Variants in FBXL4 observed in about 807,000 individuals in gnomAD.
FBXL4 encodes the protein F-box/LRR-repeat protein 4.
In FBXL4, 40 loss-of-function variants were observed where a neutral mutation model predicts 58.9. The ratio of observed to expected loss-of-function variants is 0.68; its 90% CI spans 0.53 to 0.88. FBXL4 has a LOEUF of 0.88. Ranked by LOEUF, FBXL4 falls within the 40% of genes least tolerant of loss-of-function variation. The pLI is 0.00. For missense variants in FBXL4, 676 were observed against 734.4 expected, an observed-to-expected ratio of 0.92 and a Z score of 0.92; for synonymous variants, 263 against 265.5, an observed-to-expected ratio of 0.99 and a Z score of 0.09.
intron 7 of FBXL4, among the ~76,000 whole-genome samples, chr6:98,883,897 A>C (rs2128380894): frequency 6.6e-6 from 1 of 151,688 alleles, no homozygotes. Flanking sequence ...TGAACTTTAG[A>C]ATCACCTTAA....
intron 8 of FBXL4, among the ~76,000 whole-genome samples, chr6:98,877,214 G>A (rs756615969): frequency 3.3e-5 from 5 of 152,082 alleles, no homozygotes; most frequent in South Asian, 2.1e-4. Flanking sequence ...GGAATCATGC[G>A]GAAGTCTATG....
chr6:98,916,430 A>G (rs1380759165), intron 5 of FBXL4, among the ~76,000 whole-genome samples: 2 of 152,088 alleles, frequency 1.3e-5, no homozygotes, highest in Non-Finnish European at 2.9e-5. Flanking sequence ...ATGTCCAACA[A>G]TGATAGACTG....
chr6:98,895,289 C>G (rs570905374), intron 7 of FBXL4, among the ~76,000 whole-genome samples: 1 of 152,098 alleles, frequency 6.6e-6, no homozygotes, highest in African/African-American at 2.4e-5. Context: ...ACTAAGACTT[C>G]AAACTAAGCT....
chr6:98,941,961 A>G (rs1773448510), intron 1 of FBXL4, among the ~76,000 whole-genome samples: 1 of 152,228 alleles, frequency 6.6e-6, no homozygotes, highest in South Asian at 2.1e-4. Flanking sequence ...GTGGTGACTG[A>G]AATAAATTGA....
chr6:98,910,798 T>C (rs1056803892), intron 5 of FBXL4, among the ~76,000 whole-genome samples: 1 of 152,146 alleles, frequency 6.6e-6, no homozygotes, highest in African/African-American at 2.4e-5. Flanking sequence ...ACCGGGTTCA[T>C]CTCACCAGGG....
At chr6:98,910,469 C>T (rs1226764541) in intron 5 of FBXL4, among the ~76,000 whole-genome samples, 2 of 151,990 alleles carry the variant, frequency 1.3e-5, no homozygotes, top group Non-Finnish European at 2.9e-5. Flanking sequence ...CTGGCTAACA[C>T]AGTGAAACCC....
intron 6 of FBXL4, 26 bp from the exon 7 acceptor site, chr6:98,899,507 T>C (rs1225934973): frequency 6.3e-7 from 1 of 1,598,084 alleles, no homozygotes; most frequent in South Asian, 1.1e-5. Flanking sequence ...TCTATGTGAA[T>C]TTTATAAAAC....
intron 4 of FBXL4, among the ~76,000 whole-genome samples, chr6:98,922,201 C>T (rs1772611409): frequency 6.6e-6 from 1 of 152,204 alleles, no homozygotes; most frequent in Non-Finnish European, 1.5e-5. Context: ...GCTGGGATTA[C>T]AGGCGTGAGC....
In FBXL4 at chr6:98,917,587, T is replaced by C. The variant is rs752917494; in HGVS notation, c.645A>G (p.Glu215=). ...CAACTGCATCTAATTCAGTGTAATATTCCAGAAGAGAACTATTTACTTCCA... is the reference window on the plus strand; with the variant it reads ...CAACTGCATCTAATTCAGTGTAATACTCCAGAAGAGAACTATTTACTTCCA... ...IRLEVNSSLL[E]YYTELDAVVL... Residue 215 remains glutamate (E), a synonymous_variant, in exon 5 of 10, where the codon GAA becomes GAG. Transcript: ENST00000369244. 6.2e-7 allele frequency: 1 copy of C among 1,614,022 alleles called. No homozygotes were observed. The highest frequency in any genetic ancestry group is 1.1e-5 in the South Asian group (1 of 91,068).
chr6:98,910,344 G>A (rs1383934510), intron 5 of FBXL4, among the ~76,000 whole-genome samples: 1 of 152,096 alleles, frequency 6.6e-6, no homozygotes, highest in East Asian at 1.9e-4. Flanking sequence ...CTTCAGACTA[G>A]ACAAACAAAA....
intron 4 of FBXL4, among the ~76,000 whole-genome samples, chr6:98,924,275 TG>T (rs1235410610): frequency 2.6e-5 from 4 of 152,146 alleles, no homozygotes; most frequent in Non-Finnish European, 5.9e-5. Flanking sequence ...GAAAAGATCC[TG>T]CCATGCACAG....
At chr6:98,915,052 T>G (rs377082567) in intron 5 of FBXL4, among the ~76,000 whole-genome samples, 22 of 152,186 alleles carry the variant, frequency 1.4e-4, no homozygotes, top group South Asian at 2.1e-4. Flanking sequence ...CAAATCATGA[T>G]TGAACTCCCA....
intron 1 of FBXL4, among the ~76,000 whole-genome samples, chr6:98,942,729 T>C (rs986998309): frequency 1.3e-5 from 2 of 152,108 alleles, no homozygotes; most frequent in African/African-American, 4.8e-5. Flanking sequence ...TATTTCTTTA[T>C]AGCAATGTGG....
intron 6 of FBXL4, 50 bp downstream of exon 6, chr6:98,905,376 A>G (rs1471044275): frequency 1.2e-6 from 2 of 1,601,186 alleles, no homozygotes; most frequent in Non-Finnish European, 1.7e-6. Flanking sequence ...CATAATAAGT[A>G]TAACCTGCTG....
At chr6:98,902,638 C>T (rs1327924302) in intron 6 of FBXL4, among the ~76,000 whole-genome samples, 3 of 151,146 alleles carry the variant, frequency 2.0e-5, no homozygotes, top group African/African-American at 7.3e-5. Flanking sequence ...AGAGTAAAAA[C>T]CTACACATAA....
intron 7 of FBXL4, among the ~76,000 whole-genome samples, chr6:98,883,872 C>T (rs1770938179): frequency 6.6e-6 from 1 of 151,292 alleles, no homozygotes; most frequent in African/African-American, 2.4e-5. Context: ...GCTGTTGGCC[C>T]TTTGCTCTTT....
chr6:98,937,408 T>A (rs973440757), intron 1 of FBXL4, among the ~76,000 whole-genome samples: 2 of 152,208 alleles, frequency 1.3e-5, no homozygotes, highest in Non-Finnish European at 2.9e-5. Context: ...ATTAACATAT[T>A]TTGTAAGTTA....
Position 98,917,491 on chromosome 6 carries a change from T to A in FBXL4, c.741A>T (p.Glu247Asp). Residue 247 changes from glutamate to aspartate, a missense_variant, in exon 5 of 10, where the codon GAA (glutamate) becomes GAT (aspartate). Physicochemically the swap from Glu to Asp is conservative, Grantham distance 45 (BLOSUM62 2). Transcript: ENST00000369244. ...KTSLIDMNDI[E>D]DDAYAEKDGC... ...CATCCTTTTCTGCATAGGCATCATC[T>A]TCTATATCATTCATGTCAATAAGTG... is the stretch of plus-strand genomic sequence containing the variant. The A allele has an allele frequency of 6.2e-7, 1 of 1,614,058 alleles. No homozygotes were observed. Among genetic ancestry groups the A allele is most frequent in the Non-Finnish European group, 8.5e-7 (1 of 1,179,930 alleles).
At chr6:98,885,141 G>A (rs1770992549) in intron 7 of FBXL4, among the ~76,000 whole-genome samples, 1 of 152,144 alleles carries the variant, frequency 6.6e-6, no homozygotes, top group Admixed American at 6.5e-5. Context: ...GTCTCACTCT[G>A]TCCCCATGCT....
Sources: gnomAD v4.1 joint callset for allele counts (sites outside exome capture counted in the v4.1 genomes callset) on GRCh38, gnomAD v4.1.1 for gene constraint, MANE v1.5 for transcripts, NCBI Gene and HGNC (gene_info 2026-07-23, HGNC 2026-07-21) for gene names.